GTPBP8: variants seen among roughly 807,000 people sequenced by gnomAD.
GTPBP8 encodes the protein GTP-binding protein 8.
A neutral mutation model predicts 27.3 loss-of-function variants in GTPBP8; 21 were observed. That is an observed-to-expected ratio of 0.77 (90% CI 0.55 to 1.11). The LOEUF (loss-of-function observed/expected upper bound fraction) is 1.11, where lower values mean the gene tolerates loss of function less well. Ranked by LOEUF, GTPBP8 falls within the 50% of genes least tolerant of loss-of-function variation. The pLI is 0.00. For missense variants in GTPBP8, 380 were observed against 350.8 expected (o/e 1.08, Z -0.67); for synonymous variants, 147 against 135.3 (o/e 1.09, Z -0.60).
rs1326569913 is a variant in GTPBP8 at position 112,991,060 on chromosome 3, G to A, written c.61G>A (p.Glu21Lys). 6.2e-7 allele frequency: 1 copy of A among 1,613,652 alleles called. No homozygotes were observed. The highest frequency in any genetic ancestry group is 1.7e-4 in the Middle Eastern group (1 of 5,982). The change falls in exon 1 of 6, where the codon GAG becomes AAG. Residue 21 changes from glutamate to lysine, a missense_variant. Transcript: ENST00000383678. ...GRLFEMPAVL[E>K]RLSRYNSTSQ... is the part of the protein sequence containing the mutation. ...ACTCTTTGAAATGCCTGCGGTGCTAGAGCGACTGAGCCGCTATAATAGCAC... is the reference window on the plus strand; with the variant it reads ...ACTCTTTGAAATGCCTGCGGTGCTAAAGCGACTGAGCCGCTATAATAGCAC...
chr3:112,994,224 G>A (rs990219488), intron 2 of GTPBP8, among the ~76,000 whole-genome samples: 27 of 152,134 alleles, frequency 1.8e-4, no homozygotes, highest in African/African-American at 5.6e-4. Context: ...GGGAGTTCGA[G>A]ACCAGCCTGA....
chr3:113,000,465 A>C (rs1361024213), intron 5 of GTPBP8, among the ~76,000 whole-genome samples: 1 of 152,226 alleles, frequency 6.6e-6, no homozygotes, highest in African/African-American at 2.4e-5. Context: ...GCACAGATGG[A>C]TATAGGAAGA....
chr3:112,997,786 G>C (rs1284253722), intron 4 of GTPBP8, among the ~76,000 whole-genome samples: 1 of 152,160 alleles, frequency 6.6e-6, no homozygotes, highest in Non-Finnish European at 1.5e-5. Context: ...CATTAGAGAT[G>C]ATTTATAGTT....
At chr3:112,996,334 C>G (rs1933786398) in intron 3 of GTPBP8, among the ~76,000 whole-genome samples, 1 of 151,818 alleles carries the variant, frequency 6.6e-6, no homozygotes, top group African/African-American at 2.4e-5. Flanking sequence ...GGCATGGTGG[C>G]ACATGCCTGT....
rs530047171 is a variant in GTPBP8, at chr3:113,001,229, G to A, written c.*310G>A. The A allele has an allele frequency of 9.2e-5, 18 of 194,608 alleles. No homozygotes were observed. Among genetic ancestry groups the A allele is most frequent in the South Asian group, 1.7e-4 (1 of 5,818 alleles). The allele number at this position is 194,608 out of a possible 1,614,324, so 12.1% of individuals were successfully genotyped here. On this transcript the variant is annotated 3_prime_UTR_variant, in exon 6 of 6. Transcript: ENST00000383678. ...ACAACTATGTACAGAAGGGTTTGAC[G>A]TTTTATTGGGCTTTTGTCTTTTAAA...
intron 4 of GTPBP8, among the ~76,000 whole-genome samples, chr3:112,998,619 A>G (rs541005225): frequency 5.3e-5 from 8 of 152,206 alleles, no homozygotes; most frequent in African/African-American, 1.9e-4. Context: ...GAAAGGTGAG[A>G]GAAGATTACA....
chr3:113,001,604 C>G lies in GTPBP8; in HGVS notation c.*685C>G, dbSNP rs1378689318. ...CAGCAGGTAACATGTGAGAAGACAGCTACATATTTGTAAAGCCAAACCAAC... is the reference window on the plus strand; with the variant it reads ...CAGCAGGTAACATGTGAGAAGACAGGTACATATTTGTAAAGCCAAACCAAC... On this transcript the variant is annotated 3_prime_UTR_variant, in exon 6 of 6. Transcript: ENST00000383678. The G allele has an allele frequency of 3.9e-5, 6 of 152,026 alleles. No individual in the cohort carries two copies. The highest frequency in any genetic ancestry group is 1.5e-4 in the African/African-American group (6 of 41,372). The allele number at this position is 152,026 out of a possible 1,614,324, so 9.4% of individuals were successfully genotyped here.
rs1475723725 is a variant in GTPBP8, at chr3:112,991,349, C to T, written c.336+14C>T. On this transcript the variant is annotated intron_variant, in intron 1 of 5. Coordinates refer to ENST00000383678, the MANE Select transcript of GTPBP8 (RefSeq NM_014170.4). Reference sequence around the variant, plus strand: ...CCGCGGCCAGAGGTGAGAGGCGATTCTCACGGTTCACCTGCGCGCCGGCGT... The same window carrying T: ...CCGCGGCCAGAGGTGAGAGGCGATTTTCACGGTTCACCTGCGCGCCGGCGT... The T allele has an allele frequency of 6.2e-7, 1 of 1,610,732 alleles. No individual in the cohort carries two copies. The highest frequency in any genetic ancestry group is 2.2e-5 in the East Asian group (1 of 44,878).
intron 5 of GTPBP8, among the ~76,000 whole-genome samples, chr3:113,000,220 C>T (rs1313577613): frequency 6.6e-6 from 1 of 151,766 alleles, no homozygotes; most frequent in Non-Finnish European, 1.5e-5. Flanking sequence ...GAAACCCCAT[C>T]TCTAGAAAAA....
At chr3:112,995,716 T>C (rs1933772490) in intron 3 of GTPBP8, among the ~76,000 whole-genome samples, 1 of 152,128 alleles carries the variant, frequency 6.6e-6, no homozygotes, top group African/African-American at 2.4e-5. Flanking sequence ...TTTGTATTTT[T>C]AGTAGAGACA....
Position 113,000,852 on chromosome 3 carries a change from C to T in GTPBP8, c.788C>T (p.Ala263Val), listed in dbSNP as rs1182354346. 6.3e-7 allele frequency: 1 copy of T among 1,580,032 alleles called. No individual in the cohort carries two copies. The highest frequency in any genetic ancestry group is 1.7e-5 in the Admixed American group (1 of 59,498). ...GCFPQLFPVS[A>V]VTFSGIHLLR... ...TTATTTCTCTTTTCTTTTCACAGTGCTGTGACCTTTTCTGGAATCCACCTG... is the reference window on the plus strand; with the variant it reads ...TTATTTCTCTTTTCTTTTCACAGTGTTGTGACCTTTTCTGGAATCCACCTG... The change falls in exon 6 of 6, where the codon GCT becomes GTT. Residue 263 changes from alanine (A) to valine (V), a missense_variant and splice_region_variant. Physicochemically the swap from Ala to Val is moderately conservative, Grantham distance 64. Coordinates refer to ENST00000383678, the MANE Select transcript of GTPBP8 (RefSeq NM_014170.4).
chr3:112,997,267 A>AT (rs1559711183), intron 4 of GTPBP8, among the ~76,000 whole-genome samples: 2 of 152,146 alleles, frequency 1.3e-5, no homozygotes, highest in Non-Finnish European at 2.9e-5. Flanking sequence ...TACTGTTCAT[A>AT]TTTTTTTCTT....
At chr3:113,000,377 C>T (rs1336721013) in intron 5 of GTPBP8, among the ~76,000 whole-genome samples, 5 of 152,000 alleles carry the variant, frequency 3.3e-5, no homozygotes, top group Non-Finnish European at 5.9e-5. Context: ...AAAACCACCA[C>T]CACCACCAAA....
intron 1 of GTPBP8, 64 bp downstream of exon 1, chr3:112,991,399 C>T (rs1427867267): frequency 7.6e-6 from 11 of 1,440,898 alleles, no homozygotes; most frequent in Middle Eastern, 3.5e-4. Context: ...CTTCCCTGGC[C>T]GTCCGGCTCG....
At chr3:112,995,426 C>G (rs190719622) in intron 3 of GTPBP8, among the ~76,000 whole-genome samples, 161 bp downstream of exon 3, 15 of 152,216 alleles carry the variant, frequency 9.9e-5, no homozygotes, top group Non-Finnish European at 1.8e-4. Context: ...ATATTTAGGA[C>G]CAAGGTATAT....
chr3:112,991,632 T>G, intron 1 of GTPBP8: 1 of 593,938 alleles, frequency 1.7e-6, no homozygotes, highest in Non-Finnish European at 3.1e-6. Flanking sequence ...TATTTTGGAA[T>G]GAATATAGAA....
At chr3:112,994,148 C>T (rs184355543) in intron 2 of GTPBP8, among the ~76,000 whole-genome samples, 17 of 152,314 alleles carry the variant, frequency 1.1e-4, no homozygotes, top group African/African-American at 3.8e-4. Context: ...TCTTGCCGGG[C>T]ACAGTGGCTC....
chr3:113,001,570 A>ATGGTTTTACAGC lies in GTPBP8; in HGVS notation c.*652_*663dup, dbSNP rs1202206535. The ATGGTTTTACAGC allele has an allele frequency of 2.0e-5, 3 of 152,232 alleles. No homozygotes were observed. The highest frequency in any genetic ancestry group is 7.2e-5 in the African/African-American group (3 of 41,458). 9.4% of individuals were successfully genotyped at this position (152,232 alleles called of 1,614,324 possible). On this transcript the variant is annotated 3_prime_UTR_variant, in exon 6 of 6. Transcript: ENST00000383678. ...GTGAAAGCTATTAAGATTCAAATGA[A>ATGGTTTTACAGC]TGGTTTTACAGCAGGTAACATGTGA...
chr3:113,001,496 T>C lies in GTPBP8; in HGVS notation c.*577T>C, dbSNP rs1933911419. On this transcript the variant is annotated 3_prime_UTR_variant, in exon 6 of 6. Transcript: ENST00000383678. Reference sequence around the variant, plus strand: ...TCTGATGTTTATTATATATGTTGGATCTTGGGCAACTTACTTGATTTCTCG... The same window carrying C: ...TCTGATGTTTATTATATATGTTGGACCTTGGGCAACTTACTTGATTTCTCG... 1 of 152,228 alleles carries C rather than the reference T, an allele frequency of 6.6e-6. No homozygotes were observed. The highest frequency in any genetic ancestry group is 1.5e-5 in the Non-Finnish European group (1 of 68,030). 9.4% of individuals were successfully genotyped at this position (152,228 alleles called of 1,614,324 possible).
Sources: gnomAD v4.1 joint callset for allele counts (sites outside exome capture counted in the v4.1 genomes callset) on GRCh38, gnomAD v4.1.1 for gene constraint, MANE v1.5 for transcripts, NCBI Gene and HGNC (gene_info 2026-07-23, HGNC 2026-07-21) for gene names.